CGNL1: variants seen among roughly 807,000 people sequenced by gnomAD.
CGNL1 encodes cingulin like 1, also known as cingulin-like protein 1.
Under a neutral mutation model 141.2 loss-of-function variants are expected in CGNL1, and 132 were observed. The ratio of observed to expected loss-of-function variants is 0.93; its 90% CI spans 0.81 to 1.08. The LOEUF is 1.08. Among genes scored for constraint, CGNL1 ranks in the 50% least tolerant of loss-of-function variants. The probability of loss-of-function intolerance (pLI) is 0.00; values close to 1 mark genes in which losing one functional copy is unlikely to be tolerated. For synonymous variants in CGNL1, 690 were observed against 622.1 expected (o/e 1.11, Z -1.63); for missense variants, 1,870 against 1,588.6 (o/e 1.18, Z -3.01).
At chr15:57,411,562 C>T (rs2062787716) in intron 1 of CGNL1, among the ~76,000 whole-genome samples, 1 of 151,666 alleles carries the variant, frequency 6.6e-6, no homozygotes, top group Non-Finnish European at 1.5e-5. Flanking sequence ...TCATGCTTCA[C>T]CCTCCCAAGT....
intron 1 of CGNL1, among the ~76,000 whole-genome samples, chr15:57,437,719 A>G (rs1419995711): frequency 6.6e-6 from 1 of 151,066 alleles, no homozygotes; most frequent in African/African-American, 2.4e-5. Context: ...GTGTCAGGTC[A>G]TTACACGGGT....
At chr15:57,458,016 G>T (rs1488105322) in intron 7 of CGNL1, among the ~76,000 whole-genome samples, 1 of 152,156 alleles carries the variant, frequency 6.6e-6, no homozygotes, top group African/African-American at 2.4e-5. Context: ...CTGCTTATAA[G>T]GCTGTGTGGT....
At chr15:57,406,146 C>T (rs1350264134) in intron 1 of CGNL1, 2 of 152,286 alleles carry the variant, frequency 1.3e-5, no homozygotes, top group African/African-American at 2.4e-5. Context: ...CGGAGAGAAT[C>T]CTACCTGTTG....
intron 8 of CGNL1, among the ~76,000 whole-genome samples, chr15:57,466,708 C>A (rs958158326): frequency 6.6e-6 from 1 of 152,130 alleles, no homozygotes; most frequent in Non-Finnish European, 1.5e-5. Flanking sequence ...TCTTTAGAGT[C>A]CTCAACAATC....
Position 57,547,494 on chromosome 15 carries a change from C to A in CGNL1, c.*4C>A. ...CACCGTCGCCAGCCAGATCTGAGTG[C>A]TCTCCCGGGCTGTGGAAGTACCTGT... On this transcript the variant is annotated 3_prime_UTR_variant, in exon 19 of 19. Coordinates refer to ENST00000281282, the MANE Select transcript of CGNL1 (RefSeq NM_032866.5). The A allele has an allele frequency of 6.2e-7, 1 of 1,611,610 alleles. No homozygotes were observed. Among genetic ancestry groups the A allele is most frequent in the Non-Finnish European group, 8.5e-7 (1 of 1,179,218 alleles).
At chr15:57,490,700 C>T (rs1595759542) in intron 8 of CGNL1, among the ~76,000 whole-genome samples, 1 of 152,132 alleles carries the variant, frequency 6.6e-6, no homozygotes, top group Non-Finnish European at 1.5e-5. Context: ...TTGGGCTGCA[C>T]ATAGTGAATT....
At position 57,500,988 on chromosome 15, in the gene CGNL1, A is replaced by T. The variant is rs138976409; in HGVS notation, c.2404-15792A>T. ...TGCTAAAATAGTGTGTATTAACTAT[A>T]AAGTATAGAATACATGTGTGGTGGG... On this transcript the variant is annotated intron_variant, in intron 8 of 18. Transcript: ENST00000281282. 3.2e-3 allele frequency among the ~76,000 whole-genome samples: 486 copies of T among 152,354 alleles called. 4 individuals are homozygous for T. Among genetic ancestry groups the T allele is most frequent in the African/African-American group, 0.011 (469 of 41,566 alleles).
intron 1 of CGNL1, among the ~76,000 whole-genome samples, chr15:57,380,321 A>G (rs2062410817): frequency 6.6e-6 from 1 of 152,160 alleles, no homozygotes; most frequent in South Asian, 2.1e-4. Flanking sequence ...GGCATGAGCC[A>G]CTGTGCCCAG....
chr15:57,399,456 C>A (rs2062636121), intron 1 of CGNL1, among the ~76,000 whole-genome samples: 1 of 151,506 alleles, frequency 6.6e-6, no homozygotes, highest in African/African-American at 2.4e-5. Context: ...TATTATTGGT[C>A]ACAATTTTGG....
intron 8 of CGNL1, among the ~76,000 whole-genome samples, chr15:57,516,576 G>T (rs551523562): frequency 6.6e-6 from 1 of 152,216 alleles, no homozygotes; most frequent in Admixed American, 6.5e-5. Context: ...GAAGGGCGTG[G>T]CTATGTTCCA....
intron 1 of CGNL1, among the ~76,000 whole-genome samples, chr15:57,418,950 CAG>C (rs1852463381): frequency 6.7e-6 from 1 of 149,762 alleles, no homozygotes. Context: ...TTTTTTGAGA[CAG>C]AGTCTTGCTC....
chr15:57,377,521 C>T lies in CGNL1; in HGVS notation c.-16+954C>T, dbSNP rs570976603. Among the ~76,000 whole-genome samples, 14 of 152,304 alleles carry T rather than the reference C, an allele frequency of 9.2e-5. 1 individual carries two copies. The highest frequency in any genetic ancestry group is 5.9e-4 in the Admixed American group (9 of 15,296). On this transcript the variant is annotated intron_variant, in intron 1 of 18. Coordinates refer to ENST00000281282, the MANE Select transcript of CGNL1 (RefSeq NM_032866.5). ...TTGCTCCCACCAGCCACTCTTCGGA[C>T]GGCTCAAGATCAGTCCTGATCTAGA... is the stretch of plus-strand genomic sequence containing the variant.
intron 1 of CGNL1, among the ~76,000 whole-genome samples, chr15:57,430,064 G>A (rs112486948): frequency 6.6e-6 from 1 of 152,216 alleles, no homozygotes; most frequent in Admixed American, 6.5e-5. Context: ...ACCTGCCTCA[G>A]CCTCCCAAAG....
chr15:57,429,709 A>C (rs182432813), intron 1 of CGNL1, among the ~76,000 whole-genome samples: 1 of 152,216 alleles, frequency 6.6e-6, no homozygotes, highest in African/African-American at 2.4e-5. Context: ...TTGGTTAATT[A>C]GTGGGGGTTT....
intron 1 of CGNL1, among the ~76,000 whole-genome samples, chr15:57,389,640 C>G (rs2062520549): frequency 6.6e-6 from 1 of 152,134 alleles, no homozygotes; most frequent in African/African-American, 2.4e-5. Flanking sequence ...TAGGAGTGCT[C>G]TGTATGTGTT....
At chr15:57,421,513 A>G (rs2062914590) in intron 1 of CGNL1, among the ~76,000 whole-genome samples, 1 of 152,144 alleles carries the variant, frequency 6.6e-6, no homozygotes, top group African/African-American at 2.4e-5. Flanking sequence ...TAAGAGCTCC[A>G]GGTTAAGGGT....
chr15:57,452,583 C>T (rs1286479515), intron 6 of CGNL1, among the ~76,000 whole-genome samples: 3 of 152,156 alleles, frequency 2.0e-5, no homozygotes, highest in Non-Finnish European at 4.4e-5. Flanking sequence ...GAGCACTGAG[C>T]GCTGATACTG....
chr15:57,534,613 G>A (rs554555494), intron 14 of CGNL1, among the ~76,000 whole-genome samples: 5 of 152,288 alleles, frequency 3.3e-5, no homozygotes, highest in Middle Eastern at 3.4e-3. Context: ...TTCTAGGGCC[G>A]TGTGCCTGTG....
intron 8 of CGNL1, among the ~76,000 whole-genome samples, chr15:57,490,694 G>C (rs1367168214): frequency 1.3e-5 from 2 of 152,156 alleles, no homozygotes; most frequent in African/African-American, 4.8e-5. Context: ...TTGAAGTTGG[G>C]CTGCACATAG....
Sources: gnomAD v4.1 joint callset for allele counts (sites outside exome capture counted in the v4.1 genomes callset) on GRCh38, gnomAD v4.1.1 for gene constraint, MANE v1.5 for transcripts, NCBI Gene and HGNC (gene_info 2026-07-23, HGNC 2026-07-21) for gene names.